CNTNAP5: variants seen among roughly 807,000 people sequenced by gnomAD.
CNTNAP5 encodes the protein contactin-associated protein-like 5.
Under a neutral mutation model 150.2 loss-of-function variants are expected in CNTNAP5, and 72 were observed. The ratio of observed to expected loss-of-function variants is 0.48; its 90% CI spans 0.40 to 0.58. The LOEUF (loss-of-function observed/expected upper bound fraction) is 0.58, where lower values mean the gene tolerates loss of function less well. Among genes scored for constraint, CNTNAP5 ranks in the 20% least tolerant of loss-of-function variants. The pLI, the probability that CNTNAP5 is intolerant of heterozygous loss-of-function variation, is 0.00. For synonymous variants in CNTNAP5, 672 were observed against 619.8 expected (o/e 1.08, Z -1.25); for missense variants, 1,636 against 1,626.2 (o/e 1.01, Z -0.10).
In CNTNAP5 at chr2:124,813,057, G is replaced by GT. The variant is rs955776923; in HGVS notation, c.3217+14745dup. On this transcript the variant is annotated intron_variant, in intron 19 of 23. Transcript: ENST00000682447. ...TGTTGACTTTTTGTGTCAGCTCTGG[G>GT]TTTTTTTTGCTTTTTTTGTTTTTGT... Among the ~76,000 whole-genome samples, 8 of 151,394 alleles carry GT rather than the reference G, an allele frequency of 5.3e-5. No homozygotes were observed. In the East Asian group the frequency reaches 5.8e-4, roughly 11 times the overall value.
At chr2:124,455,921 A>G (rs539298924) in intron 6 of CNTNAP5, among the ~76,000 whole-genome samples, 1 of 152,296 alleles carries the variant, frequency 6.6e-6, no homozygotes, top group Admixed American at 6.5e-5. Context: ...ACTTCCATGT[A>G]ATAAAAGCCA....
intron 8 of CNTNAP5, among the ~76,000 whole-genome samples, chr2:124,507,850 C>T (rs888960424): frequency 6.6e-6 from 1 of 152,200 alleles, no homozygotes; most frequent in Non-Finnish European, 1.5e-5. Flanking sequence ...CAAGCTTCCT[C>T]ATGAGCCTCT....
At chr2:124,415,709 TC>T (rs1340508314) in intron 3 of CNTNAP5, among the ~76,000 whole-genome samples, 17 of 152,182 alleles carry the variant, frequency 1.1e-4, no homozygotes, top group African/African-American at 4.1e-4. Context: ...TGACATCCCA[TC>T]TTAAAGATGA....
At chr2:124,466,703 T>C (rs766117659) in intron 6 of CNTNAP5, among the ~76,000 whole-genome samples, 9 of 152,288 alleles carry the variant, frequency 5.9e-5, no homozygotes, top group Non-Finnish European at 8.8e-5. Flanking sequence ...GGAAAGTCTG[T>C]GACAACTGTA....
chr2:124,040,308 A>G (rs1342316524), intron 1 of CNTNAP5, among the ~76,000 whole-genome samples: 1 of 152,154 alleles, frequency 6.6e-6, no homozygotes, highest in African/African-American at 2.4e-5. Flanking sequence ...ATTTGATCAT[A>G]TGGATAGTAA....
chr2:124,034,878 G>A (rs896789854), intron 1 of CNTNAP5, among the ~76,000 whole-genome samples: 4 of 152,110 alleles, frequency 2.6e-5, no homozygotes, highest in African/African-American at 9.7e-5. Context: ...TACTACTGAA[G>A]TCTGTTTCTG....
intron 21 of CNTNAP5, among the ~76,000 whole-genome samples, chr2:124,877,718 A>G (rs1462109748): frequency 6.6e-6 from 1 of 152,124 alleles, no homozygotes; most frequent in South Asian, 2.1e-4. Flanking sequence ...AAGTTTTTCA[A>G]GGTTTTGAAG....
chr2:124,674,527 C>T (rs1678894916), intron 13 of CNTNAP5, among the ~76,000 whole-genome samples: 1 of 124,530 alleles, frequency 8.0e-6, no homozygotes, highest in Admixed American at 9.5e-5. Context: ...TTCTTTCTTT[C>T]TTTCTTTCTT....
Position 124,635,880 on chromosome 2 carries a change from A to G in CNTNAP5, c.1877-11878A>G, listed in dbSNP as rs116486217. Among the ~76,000 whole-genome samples, 808 of 152,252 alleles carry G rather than the reference A, an allele frequency of 5.3e-3. 8 individuals are homozygous for G. The highest frequency in any genetic ancestry group is 0.019 in the African/African-American group (784 of 41,556). On this transcript the variant is annotated intron_variant, in intron 12 of 23. Transcript: ENST00000682447. ...CAATCAGCCTGCATTCTCAGTGTGCATGTGTTTGAGTTCTCATATTTATGT... is the reference window on the plus strand; with the variant it reads ...CAATCAGCCTGCATTCTCAGTGTGCGTGTGTTTGAGTTCTCATATTTATGT...
intron 12 of CNTNAP5, among the ~76,000 whole-genome samples, chr2:124,633,497 G>A (rs1573511283): frequency 6.6e-6 from 1 of 152,198 alleles, no homozygotes; most frequent in African/African-American, 2.4e-5. Context: ...AAGGCTTTGG[G>A]AAGCTCTGCC....
intron 2 of CNTNAP5, among the ~76,000 whole-genome samples, chr2:124,229,420 A>C (rs1686558030): frequency 6.6e-6 from 1 of 152,212 alleles, no homozygotes; most frequent in African/African-American, 2.4e-5. Flanking sequence ...CATCGATAGA[A>C]GGGATTTGCC....
chr2:124,417,412 G>T, intron 3 of CNTNAP5, 31 bp from the exon 4 acceptor site: 2 of 1,605,020 alleles, frequency 1.2e-6, no homozygotes, highest in Non-Finnish European at 8.5e-7. Context: ...TGATAGCACA[G>T]ACCTCACTGC....
chr2:124,914,743 A>T lies in CNTNAP5; in HGVS notation c.*455A>T, dbSNP rs1280574509. The T allele has an allele frequency of 2.0e-5, 3 of 153,186 alleles. No individual in the cohort carries two copies. The Admixed American group carries it at 2.0e-4, about 10-fold the overall frequency. The allele number at this position is 153,186 out of a possible 1,614,324, so 9.5% of individuals were successfully genotyped here. A position where few individuals can be genotyped will look rare whatever the true frequency, so the allele number is the denominator to read the frequency against. Reference sequence around the variant, plus strand: ...ATAGAACCCAGGGCAGGGAGAGAAGAACCTAGAGGCCTGGTTTGCTTTGGT... The same window carrying T: ...ATAGAACCCAGGGCAGGGAGAGAAGTACCTAGAGGCCTGGTTTGCTTTGGT... On this transcript the variant is annotated 3_prime_UTR_variant, in exon 24 of 24. Coordinates refer to ENST00000682447, the MANE Select transcript of CNTNAP5 (RefSeq NM_001367498.1).
chr2:124,139,263 AAC>A (rs3063402), intron 1 of CNTNAP5, among the ~76,000 whole-genome samples: 44,607 of 149,026 alleles, frequency 0.3, 6,869 homozygotes, highest in East Asian at 0.51. Flanking sequence ...TTTCTACCCC[AAC>A]ACACACACAC....
chr2:124,838,641 C>A (rs536777132), intron 19 of CNTNAP5, among the ~76,000 whole-genome samples: 1 of 152,256 alleles, frequency 6.6e-6, no homozygotes, highest in South Asian at 2.1e-4. Flanking sequence ...TCTACACAAA[C>A]CCCCTATTCA....
At chr2:124,223,996 T>C (rs1194154687) in intron 2 of CNTNAP5, among the ~76,000 whole-genome samples, 1 of 151,832 alleles carries the variant, frequency 6.6e-6, no homozygotes, top group Non-Finnish European at 1.5e-5. Flanking sequence ...AAACACTGGC[T>C]CAGGGAGATA....
chr2:124,460,051 C>T (rs142018097), intron 6 of CNTNAP5, among the ~76,000 whole-genome samples: 1,599 of 152,184 alleles, frequency 0.011, 26 homozygotes, highest in African/African-American at 0.035. Flanking sequence ...AGGAATGAGG[C>T]AATCCTATAT....
chr2:124,374,367 G>T (rs921588029), intron 3 of CNTNAP5, among the ~76,000 whole-genome samples: 2 of 152,006 alleles, frequency 1.3e-5, no homozygotes, highest in Admixed American at 6.6e-5. Flanking sequence ...ATAGGAAAAT[G>T]AACTCCCAAT....
At chr2:124,148,819 A>G (rs1335271741) in intron 1 of CNTNAP5, among the ~76,000 whole-genome samples, 1 of 151,508 alleles carries the variant, frequency 6.6e-6, no homozygotes, top group Non-Finnish European at 1.5e-5. Flanking sequence ...GTGTATATAA[A>G]CACACAAATA....
Sources: allele counts gnomAD v4.1 joint callset (sites outside exome capture counted in the v4.1 genomes callset), GRCh38; gene constraint gnomAD v4.1.1; transcripts MANE v1.5; gene names NCBI Gene and HGNC (gene_info 2026-07-23, HGNC 2026-07-21).